The following VPS13B variants were observed in gnomAD, a reference collection of about 807,000 sequenced individuals.
VPS13B encodes intermembrane lipid transfer protein VPS13B.
VPS13B carries 285 observed loss-of-function variants against 426.4 expected under a neutral mutation model. The observed-to-expected ratio is 0.67, with a 90% CI of 0.61 to 0.74. The LOEUF (loss-of-function observed/expected upper bound fraction) is 0.74, where lower values mean the gene tolerates loss of function less well. VPS13B is among the 30% of genes least tolerant of loss of function. The pLI is 0.00. For synonymous variants in VPS13B, 1,676 were observed against 1,676.4 expected (o/e 1.00, Z 0.01); for missense variants, 4,537 against 4,782.6 (o/e 0.95, Z 1.51).
intron 19 of VPS13B, among the ~76,000 whole-genome samples, chr8:99,375,125 C>G (rs1325286715): frequency 6.6e-6 from 1 of 152,202 alleles, no homozygotes; most frequent in Admixed American, 6.5e-5. Flanking sequence ...AAATAGATGG[C>G]AAGTGGGTGG....
At chr8:99,431,419 CTCATATAA>C in intron 21 of VPS13B, 110 bp from the exon 22 acceptor site, 1 of 1,283,424 alleles carries the variant, frequency 7.8e-7, no homozygotes, top group Non-Finnish European at 1.1e-6. Flanking sequence ...AATTCATAAT[CTCATATAA>C]AAATTATAAT....
intron 22 of VPS13B, among the ~76,000 whole-genome samples, chr8:99,440,969 CT>C (rs1397666546): frequency 1.3e-5 from 2 of 152,008 alleles, no homozygotes; most frequent in African/African-American, 4.8e-5. Flanking sequence ...CTGAAAATTA[CT>C]AATGAATTAT....
chr8:99,141,880 T>TAA (rs371079413), intron 12 of VPS13B, among the ~76,000 whole-genome samples: 11 of 109,930 alleles, frequency 1.0e-4, no homozygotes, highest in African/African-American at 2.4e-4. Flanking sequence ...CTGTCTCTAC[T>TAA]AAAAAAAAAA....
chr8:99,138,910 T>C (rs528006199), intron 12 of VPS13B, among the ~76,000 whole-genome samples: 1 of 152,326 alleles, frequency 6.6e-6, no homozygotes. Flanking sequence ...AGAACATCTT[T>C]ATTTGTATAT....
At chr8:99,591,686 C>G (rs1826683928) in intron 33 of VPS13B, among the ~76,000 whole-genome samples, 1 of 152,298 alleles carries the variant, frequency 6.6e-6, no homozygotes, top group South Asian at 2.1e-4. Flanking sequence ...GGCCCCCACT[C>G]TCTTCTGACT....
intron 2 of VPS13B, among the ~76,000 whole-genome samples, chr8:99,037,983 T>TA (rs1842820971): frequency 6.6e-6 from 1 of 152,046 alleles, no homozygotes; most frequent in African/African-American, 2.4e-5. Flanking sequence ...GATGGAGACT[T>TA]AAAAAATTAC....
chr8:99,359,268 G>A (rs1350535944), intron 19 of VPS13B, among the ~76,000 whole-genome samples: 1 of 152,012 alleles, frequency 6.6e-6, no homozygotes, highest in Non-Finnish European at 1.5e-5. Flanking sequence ...TTATAACAGA[G>A]TATTTTCTTC....
chr8:99,784,005 G>A (rs1352712606), intron 42 of VPS13B, among the ~76,000 whole-genome samples: 1 of 152,198 alleles, frequency 6.6e-6, no homozygotes, highest in Non-Finnish European at 1.5e-5. Context: ...AGCACTGTTT[G>A]TAGCATGTTA....
In VPS13B at chr8:99,356,420, G is replaced by T. The variant is rs755546332; in HGVS notation, c.2825-27788G>T. Among the ~76,000 whole-genome samples, 7 of 152,304 alleles carry T rather than the reference G, an allele frequency of 4.6e-5. No homozygotes were observed. The South Asian group carries it at 6.2e-4, about 14-fold the overall frequency. On this transcript the variant is annotated intron_variant, in intron 19 of 61. Transcript: ENST00000357162. Reference sequence around the variant, plus strand: ...GTTAGCACTTTGGGAGGCCCAGGCAGGGGGATTGCTGGAGACCAGGAATTC... The same window carrying T: ...GTTAGCACTTTGGGAGGCCCAGGCATGGGGATTGCTGGAGACCAGGAATTC...
chr8:99,082,943 G>A (rs1302472732), intron 3 of VPS13B, among the ~76,000 whole-genome samples: 5 of 152,072 alleles, frequency 3.3e-5, no homozygotes, highest in African/African-American at 9.7e-5. Context: ...TTGGCAATGC[G>A]GGCTCTTTTT....
intron 19 of VPS13B, chr8:99,340,662 G>A (rs1199509833): frequency 4.9e-6 from 2 of 407,458 alleles, no homozygotes; most frequent in Non-Finnish European, 9.5e-6. Context: ...TTGCTAGGAG[G>A]CTGAGGAATA....
chr8:99,789,892 T>C (rs1217824092), intron 43 of VPS13B, among the ~76,000 whole-genome samples: 2 of 152,134 alleles, frequency 1.3e-5, no homozygotes, highest in African/African-American at 2.4e-5. Context: ...TTATCAGTGG[T>C]TGCCTCTGAA....
intron 17 of VPS13B, among the ~76,000 whole-genome samples, chr8:99,273,817 A>G (rs1441206498): frequency 6.6e-6 from 1 of 152,162 alleles, no homozygotes; most frequent in Non-Finnish European, 1.5e-5. Flanking sequence ...AATAAAAAAT[A>G]AAGTCTTCGC....
At chr8:99,409,856 C>CGAA (rs1244121031) in intron 21 of VPS13B, among the ~76,000 whole-genome samples, 1 of 152,174 alleles carries the variant, frequency 6.6e-6, no homozygotes, top group Non-Finnish European at 1.5e-5. Flanking sequence ...TCTCTATTTT[C>CGAA]ACTCTCTTCC....
intron 25 of VPS13B, among the ~76,000 whole-genome samples, chr8:99,488,314 C>T (rs1001765368): frequency 7.9e-5 from 12 of 151,872 alleles, no homozygotes; most frequent in East Asian, 3.9e-4. Context: ...AGGGAAAATT[C>T]GAGTAGTCTG....
intron 19 of VPS13B, among the ~76,000 whole-genome samples, chr8:99,297,692 G>A (rs910890291): frequency 6.6e-5 from 10 of 152,112 alleles, no homozygotes; most frequent in African/African-American, 2.4e-4. Context: ...TTTATGTTTT[G>A]GTGAACATCG....
chr8:99,492,881 C>T (rs2017332), intron 25 of VPS13B, among the ~76,000 whole-genome samples: 1 of 152,172 alleles, frequency 6.6e-6, no homozygotes, highest in Non-Finnish European at 1.5e-5. Flanking sequence ...CACCCACTCT[C>T]CAACCAGTCC....
chr8:99,346,850 A>G (rs576255241), intron 19 of VPS13B: 1 of 152,562 alleles, frequency 6.6e-6, no homozygotes, highest in South Asian at 2.1e-4. Context: ...CAGGAAGTAA[A>G]TCTCTTGGTT....
At chr8:99,134,949 A>C in intron 9 of VPS13B, 66 bp from the exon 10 acceptor site, 1 of 1,584,218 alleles carries the variant, frequency 6.3e-7, no homozygotes, top group Non-Finnish European at 8.7e-7. Context: ...GAGATTCTAC[A>C]AGGAAAGCCT....
Sources: allele counts gnomAD v4.1 joint callset (sites outside exome capture counted in the v4.1 genomes callset), GRCh38; gene constraint gnomAD v4.1.1; transcripts MANE v1.5; gene names NCBI Gene and HGNC (gene_info 2026-07-23, HGNC 2026-07-21).